CDH20: variants seen among roughly 807,000 people sequenced by gnomAD.
CDH20 encodes cadherin 20.
Under a neutral mutation model 74.2 loss-of-function variants are expected in CDH20, and 29 were observed. That is an observed-to-expected ratio of 0.39 (90% confidence interval 0.29 to 0.53). The LOEUF is 0.53. CDH20 is among the 20% of genes least tolerant of loss of function. The probability of loss-of-function intolerance (pLI) is 0.69; values close to 1 mark genes in which losing one functional copy is unlikely to be tolerated. For synonymous variants in CDH20, 469 were observed against 405.4 expected (o/e 1.16, Z -1.88); for missense variants, 988 against 1,048.3 (o/e 0.94, Z 0.79).
At chr18:61,438,917 C>T (rs147458910) in intron 1 of CDH20, among the ~76,000 whole-genome samples, 1 of 152,244 alleles carries the variant, frequency 6.6e-6, no homozygotes, top group African/African-American at 2.4e-5. Context: ...GAATACTACC[C>T]AGCCATAAAT....
chr18:61,493,656 T>C (rs376583100), intron 2 of CDH20, among the ~76,000 whole-genome samples: 3 of 152,356 alleles, frequency 2.0e-5, no homozygotes, highest in South Asian at 4.1e-4. Context: ...TCAGGCCACA[T>C]TCAAATTCCT....
intron 1 of CDH20, among the ~76,000 whole-genome samples, chr18:61,402,713 C>T (rs1046015807): frequency 2.6e-5 from 4 of 152,134 alleles, no homozygotes; most frequent in Admixed American, 2.0e-4. Context: ...AATAAAGGAG[C>T]AACTTAACAG....
intron 1 of CDH20, among the ~76,000 whole-genome samples, chr18:61,334,904 G>A (rs1046423469): frequency 1.3e-5 from 2 of 152,016 alleles, no homozygotes; most frequent in African/African-American, 4.8e-5. Context: ...TAAATCGCCT[G>A]CAAATTGAAC....
intron 1 of CDH20, among the ~76,000 whole-genome samples, chr18:61,340,577 A>C (rs1397798164): frequency 6.6e-6 from 1 of 152,190 alleles, no homozygotes; most frequent in Non-Finnish European, 1.5e-5. Flanking sequence ...TTGAGCACTA[A>C]GTGTACTCAT....
chr18:61,540,565 T>C (rs950449595), intron 9 of CDH20, among the ~76,000 whole-genome samples: 1 of 152,160 alleles, frequency 6.6e-6, no homozygotes, highest in African/African-American at 2.4e-5. Context: ...CTTGTGAGAC[T>C]TATTCACTAC....
intron 1 of CDH20, among the ~76,000 whole-genome samples, chr18:61,423,508 C>T (rs1402250143): frequency 1.3e-5 from 2 of 152,180 alleles, no homozygotes; most frequent in Non-Finnish European, 2.9e-5. Flanking sequence ...ACCCTGACTC[C>T]CCTGAATATG....
At chr18:61,426,004 G>A (rs959724785) in intron 1 of CDH20, among the ~76,000 whole-genome samples, 4 of 152,042 alleles carry the variant, frequency 2.6e-5, no homozygotes, top group East Asian at 3.9e-4. Flanking sequence ...TTTGCAAATC[G>A]TTCATTGCTA....
chr18:61,402,871 C>T (rs761432994), intron 1 of CDH20, among the ~76,000 whole-genome samples: 18 of 152,140 alleles, frequency 1.2e-4, no homozygotes, highest in Non-Finnish European at 2.1e-4. Context: ...TCCATGTTAT[C>T]GTGCATTCTG....
chr18:61,358,761 G>A (rs952850949), intron 1 of CDH20, among the ~76,000 whole-genome samples: 7 of 151,920 alleles, frequency 4.6e-5, no homozygotes, highest in Admixed American at 4.6e-4. Flanking sequence ...ATGTTTTCTT[G>A]AATTTCCATA....
At chr18:61,412,420 T>G (rs1912544241) in intron 1 of CDH20, among the ~76,000 whole-genome samples, 1 of 152,164 alleles carries the variant, frequency 6.6e-6, no homozygotes, top group African/African-American at 2.4e-5. Context: ...TTTGGAAATA[T>G]TCATCAAAAT....
At chr18:61,535,962 A>T (rs1912804605) in intron 7 of CDH20, among the ~76,000 whole-genome samples, 2 of 152,188 alleles carry the variant, frequency 1.3e-5, no homozygotes, top group Admixed American at 6.5e-5. Flanking sequence ...CAAATACATT[A>T]CCATTATTGT....
At chr18:61,511,325 C>A (rs1162740540) in intron 6 of CDH20, among the ~76,000 whole-genome samples, 4 of 151,664 alleles carry the variant, frequency 2.6e-5, no homozygotes, top group African/African-American at 9.7e-5. Context: ...GATCATGCCA[C>A]AGCCACCTAT....
chr18:61,504,237 G>A (rs1009007607), intron 5 of CDH20, among the ~76,000 whole-genome samples: 5 of 152,188 alleles, frequency 3.3e-5, no homozygotes, highest in African/African-American at 1.2e-4. Flanking sequence ...TAGGAGCAGG[G>A]GAGTCGGTTA....
intron 1 of CDH20, among the ~76,000 whole-genome samples, chr18:61,486,327 CT>C (rs1431036050): frequency 1.3e-5 from 2 of 152,154 alleles, no homozygotes; most frequent in Non-Finnish European, 2.9e-5. Flanking sequence ...AGCACTCGAA[CT>C]ATTTTCTTTA....
At chr18:61,482,142 T>G (rs1238809354) in intron 1 of CDH20, among the ~76,000 whole-genome samples, 2 of 151,810 alleles carry the variant, frequency 1.3e-5, no homozygotes, top group African/African-American at 4.8e-5. Flanking sequence ...CAGGGAGGGG[T>G]GAGGTGTGCT....
chr18:61,438,796 C>G (rs984247098), intron 1 of CDH20, among the ~76,000 whole-genome samples: 5 of 152,144 alleles, frequency 3.3e-5, no homozygotes, highest in African/African-American at 1.2e-4. Flanking sequence ...CAAAAAGACA[C>G]ATGCACTTCT....
At chr18:61,540,980 C>G (rs943564119) in intron 9 of CDH20, among the ~76,000 whole-genome samples, 3 of 152,138 alleles carry the variant, frequency 2.0e-5, no homozygotes, top group African/African-American at 4.8e-5. Context: ...TTCTTTTCAA[C>G]AAGTCTAGGA....
chr18:61,337,462 G>A (rs1189030462), intron 1 of CDH20, among the ~76,000 whole-genome samples: 9 of 151,668 alleles, frequency 5.9e-5, no homozygotes, highest in African/African-American at 1.5e-4. Context: ...CTTTTTTCTC[G>A]GACATATAAG....
In CDH20 at chr18:61,555,187, C is replaced by G. The variant is rs1913589888; in HGVS notation, c.*492C>G. 1 of 983,232 alleles carries G rather than the reference C, an allele frequency of 1.0e-6. No individual in the cohort carries two copies. The highest frequency in any genetic ancestry group is 1.8e-5 in the African/African-American group (1 of 55,548). 60.9% of individuals were successfully genotyped at this position (983,232 alleles called of 1,614,324 possible). A position where few individuals can be genotyped will look rare whatever the true frequency, so the allele number is the denominator to read the frequency against. On this transcript the variant is annotated 3_prime_UTR_variant, in exon 12 of 12. Transcript: ENST00000262717. Reference sequence around the variant, plus strand: ...AAGAAAGAACAAAAAACTTGTTACTCAGTGAAATTAACCTACTTGTTCTGG... The same window carrying G: ...AAGAAAGAACAAAAAACTTGTTACTGAGTGAAATTAACCTACTTGTTCTGG...
Sources: gnomAD v4.1 joint callset for allele counts (sites outside exome capture counted in the v4.1 genomes callset) on GRCh38, gnomAD v4.1.1 for gene constraint, MANE v1.5 for transcripts, NCBI Gene and HGNC (gene_info 2026-07-23, HGNC 2026-07-21) for gene names.